PHIP: variants seen among roughly 807,000 people sequenced by gnomAD.
The protein encoded by PHIP is PH-interacting protein.
Under a neutral mutation model 236.8 loss-of-function variants are expected in PHIP, and 54 were observed. The observed-to-expected ratio is 0.23, with a 90% CI of 0.18 to 0.29. The LOEUF (loss-of-function observed/expected upper bound fraction) is 0.29, where lower values mean the gene tolerates loss of function less well. Ranked by LOEUF, PHIP falls within the 10% of genes least tolerant of loss-of-function variation. The pLI, the probability that PHIP is intolerant of heterozygous loss-of-function variation, is 1.00. For synonymous variants in PHIP, 756 were observed against 718.9 expected (o/e 1.05, Z -0.83); for missense variants, 1,370 against 2,190.8 (o/e 0.63, Z 7.48).
chr6:78,951,010 A>C (rs1774109311), intron 35 of PHIP, among the ~76,000 whole-genome samples: 1 of 152,074 alleles, frequency 6.6e-6, no homozygotes, highest in Admixed American at 6.6e-5. Context: ...GCATTGCTTT[A>C]ACTGCATCCT....
At chr6:79,068,809 A>G (rs1773750588) in intron 4 of PHIP, among the ~76,000 whole-genome samples, 1 of 152,204 alleles carries the variant, frequency 6.6e-6, no homozygotes, top group South Asian at 2.1e-4. Context: ...TTAGATCAAT[A>G]TATTCATTCC....
intron 4 of PHIP, among the ~76,000 whole-genome samples, chr6:79,074,971 T>G (rs985643148): frequency 4.6e-5 from 7 of 152,146 alleles, no homozygotes; most frequent in Non-Finnish European, 1.0e-4. Context: ...ATTGCTCAGT[T>G]TATTAGTTAA....
chr6:79,033,399 T>C (rs925056646), intron 7 of PHIP, among the ~76,000 whole-genome samples: 1 of 152,234 alleles, frequency 6.6e-6, no homozygotes, highest in African/African-American at 2.4e-5. Flanking sequence ...AATCTATTGC[T>C]TAGTGTAGCA....
In PHIP at chr6:79,077,510, G is replaced by A. The variant is rs779496121; in HGVS notation, c.130-3C>T. 2.6e-6 allele frequency: 4 copies of A among 1,543,226 alleles called. No homozygotes were observed. Among genetic ancestry groups the A allele is most frequent in the Middle Eastern group, 1.7e-4 (1 of 5,716 alleles). ...CAGTCGGTGCGCCGGGGCAGCAGCT[G>A]CGGGGAGAGGACACCCCGTGAGCCC... is the stretch of plus-strand genomic sequence containing the variant. On this transcript the variant is annotated splice_polypyrimidine_tract_variant and splice_region_variant and intron_variant, in intron 3 of 39. Transcript: ENST00000275034.
intron 15 of PHIP, among the ~76,000 whole-genome samples, chr6:79,008,111 G>C (rs1770389995): frequency 6.6e-6 from 1 of 151,430 alleles, no homozygotes; most frequent in Non-Finnish European, 1.5e-5. Flanking sequence ...AGATGAGATT[G>C]TGCCAGGAGG....
At chr6:79,064,900 A>G (rs1773551968) in intron 4 of PHIP, among the ~76,000 whole-genome samples, 1 of 152,192 alleles carries the variant, frequency 6.6e-6, no homozygotes, top group African/African-American at 2.4e-5. Context: ...AAAGCATCTG[A>G]AACTCAACAT....
rs149110742 is a variant in PHIP at position 78,946,115 on chromosome 6, T to C, written c.4516A>G (p.Thr1506Ala). Residue 1506 changes from threonine to alanine, a missense_variant, in exon 38 of 40, where the codon ACC becomes GCC. Physicochemically the swap from Thr to Ala is moderately conservative, Grantham distance 58. Coordinates refer to ENST00000275034, the MANE Select transcript of PHIP (RefSeq NM_017934.7). Reference sequence around the variant, plus strand: ...TCTACAACCACTCGGTTGCTTCTGGTTCGAACCACAGAACTAGATTCTGTT... The same window carrying C: ...TCTACAACCACTCGGTTGCTTCTGGCTCGAACCACAGAACTAGATTCTGTT... ...GKTESSSVVR[T>A]RSNRVVVDPV... 7.7e-5 allele frequency: 125 copies of C among 1,613,998 alleles called. No individual in the cohort carries two copies. The highest frequency in any genetic ancestry group is 9.8e-5 in the Non-Finnish European group (116 of 1,179,956).
chr6:78,963,179 A>G lies in PHIP; in HGVS notation c.3453T>C (p.Pro1151=), dbSNP rs1156756425. The change falls in exon 30 of 40, where the codon CCT becomes CCC. Residue 1151 remains proline (P), a synonymous_variant. Transcript: ENST00000275034. ...GATTGGTACCCCATTCTCCATCAAG[A>G]GGTTTATAGATTAGTGATCTGCACT... ...DGECRSLIYK[P]LDGEWGTNPR... is the part of the protein sequence containing the mutation. The G allele has an allele frequency of 6.2e-7, 1 of 1,611,398 alleles. No individual in the cohort carries two copies. The highest frequency in any genetic ancestry group is 8.5e-7 in the Non-Finnish European group (1 of 1,178,814).
chr6:79,034,022 T>A (rs1041747959), intron 7 of PHIP, among the ~76,000 whole-genome samples: 13 of 152,074 alleles, frequency 8.5e-5, no homozygotes, highest in Admixed American at 8.5e-4. Flanking sequence ...GTGCAGGTCA[T>A]GGCACCCTAA....
At chr6:78,998,165 C>T in intron 18 of PHIP, 89 bp downstream of exon 18, 4 of 928,974 alleles carry the variant, frequency 4.3e-6, no homozygotes, top group Admixed American at 2.3e-5. Context: ...ACGGATGTAC[C>T]ATAATTTTTT....
chr6:78,989,001 A>C (rs1303886007), intron 20 of PHIP, among the ~76,000 whole-genome samples: 1 of 152,226 alleles, frequency 6.6e-6, no homozygotes, highest in African/African-American at 2.4e-5. Flanking sequence ...TCTGCAGATG[A>C]GAATACAACC....
At chr6:79,014,985 C>T in intron 15 of PHIP, 97 bp downstream of exon 15, 4 of 941,302 alleles carry the variant, frequency 4.2e-6, no homozygotes, top group South Asian at 3.7e-5. Flanking sequence ...AATAATGAAC[C>T]AATTTTTAAA....
At chr6:79,016,395 T>G in intron 13 of PHIP, 149 bp downstream of exon 13, 1 of 440,640 alleles carries the variant, frequency 2.3e-6, no homozygotes, top group South Asian at 6.9e-5. Flanking sequence ...AAATCAACAC[T>G]GCTCATCTCC....
At chr6:79,026,231 T>TA in intron 7 of PHIP, 67 bp from the exon 8 acceptor site, 2 of 1,102,300 alleles carry the variant, frequency 1.8e-6, no homozygotes, top group Non-Finnish European at 2.8e-6. Flanking sequence ...TTAACACTGA[T>TA]AAATCTACCT....
At chr6:79,069,004 C>G (rs1413594896) in intron 4 of PHIP, among the ~76,000 whole-genome samples, 1 of 151,894 alleles carries the variant, frequency 6.6e-6, no homozygotes, top group African/African-American at 2.4e-5. Flanking sequence ...CTTCTCAAAT[C>G]TATTCTCTCA....
At chr6:79,047,918 T>C (rs1038702878) in intron 6 of PHIP, among the ~76,000 whole-genome samples, 10 of 152,038 alleles carry the variant, frequency 6.6e-5, no homozygotes, top group African/African-American at 2.4e-4. Flanking sequence ...AGTAACTATT[T>C]GTTCCAGCCT....
intron 6 of PHIP, among the ~76,000 whole-genome samples, chr6:79,043,587 C>T (rs1425318204): frequency 6.6e-6 from 1 of 152,044 alleles, no homozygotes; most frequent in African/African-American, 2.4e-5. Context: ...AATCTATTAG[C>T]TCTCCCTTAG....
At chr6:79,063,548 T>C (rs1773487569) in intron 4 of PHIP, among the ~76,000 whole-genome samples, 1 of 152,024 alleles carries the variant, frequency 6.6e-6, no homozygotes, top group Non-Finnish European at 1.5e-5. Flanking sequence ...CCCGAGTAGC[T>C]GGAATTACAG....
chr6:78,993,606 A>G (rs1430850693), intron 19 of PHIP, among the ~76,000 whole-genome samples: 3 of 152,226 alleles, frequency 2.0e-5, no homozygotes, highest in African/African-American at 7.2e-5. Flanking sequence ...ATGAAACAAC[A>G]AAGTCTAGAT....
Sources: gnomAD v4.1 joint callset for allele counts (sites outside exome capture counted in the v4.1 genomes callset) on GRCh38, gnomAD v4.1.1 for gene constraint, MANE v1.5 for transcripts, NCBI Gene and HGNC (gene_info 2026-07-23, HGNC 2026-07-21) for gene names.